Variants in LRP8 observed in about 807,000 individuals in gnomAD.
The protein encoded by LRP8 is low-density lipoprotein receptor-related protein 8.
Under a neutral mutation model 111.6 loss-of-function variants are expected in LRP8, and 46 were observed. The observed-to-expected ratio is 0.41, with a 90% CI of 0.33 to 0.53. LRP8 has a LOEUF of 0.53. Among genes scored for constraint, LRP8 ranks in the 20% least tolerant of loss-of-function variants. The pLI is 0.20. For missense variants in LRP8, 959 were observed against 1,297.4 expected, an observed-to-expected ratio of 0.74 and a Z score of 4.01; for synonymous variants, 464 against 511.2, an observed-to-expected ratio of 0.91 and a Z score of 1.24.
chr1:53,290,294 T>TTCC (rs146311099), intron 2 of LRP8, among the ~76,000 whole-genome samples: 57,339 of 150,918 alleles, frequency 0.38, 14,604 homozygotes, highest in African/African-American at 0.72. Context: ...TCAATCCCAC[T>TTCC]TCCTCCTCCT....
Position 53,257,443 on chromosome 1 carries a change from G to A in LRP8, c.2231C>T (p.Thr744Met), listed in dbSNP as rs149272155. The stretch of plus-strand genomic sequence containing the variant: ...CCTCGTCATGGTAGAAGCTAACGTC[G>A]TAGTTGAGGTAGATTGAGGTGCTGG... ...CYRAPQSTST[T>M]TLASTMTRTV... is the part of the protein sequence containing the mutation. The change falls in exon 15 of 19, where the codon ACG becomes ATG. Residue 744 changes from threonine (T) to methionine (M), a missense_variant. By Grantham distance (81) the Thr-to-Met change is moderately conservative (BLOSUM62 -1). This residue lies in a region of LRP8 where 819 missense variants were observed against 1,097.6 expected (regional missense o/e 0.75). Transcript: ENST00000306052. The A allele has an allele frequency of 3.2e-5, 52 of 1,614,142 alleles. No individual in the cohort carries two copies. The highest frequency in any genetic ancestry group is 8.9e-5 in the East Asian group (4 of 44,886).
chr1:53,264,228 G>GCGT lies in LRP8; in HGVS notation c.1593_1595dup (p.Arg532dup). 1.2e-6 allele frequency: 2 copies of GCGT among 1,614,134 alleles called. No individual in the cohort carries two copies. The highest frequency in any genetic ancestry group is 4.5e-5 in the East Asian group (2 of 44,884). On this transcript the variant is annotated inframe_insertion, in exon 10 of 19. Transcript: ENST00000306052. ...CACTGAGGTTACGGCTGAAGAGAGT[G>GCGT]CGTCGGCGGCCACCATCAACTGTGG...
In LRP8 at chr1:53,264,357, C is replaced by G; in HGVS notation, c.1467G>C (p.Glu489Asp). Residue 489 changes from glutamate (E) to aspartate (D), a missense_variant, in exon 10 of 19, where the codon GAG becomes GAC. Around this residue, in one of 3 missense-constraint regions of LRP8, gnomAD observed 819 missense variants for 1,097.6 expected, o/e 0.75. Coordinates refer to ENST00000306052, the MANE Select transcript of LRP8 (RefSeq NM_004631.5). The stretch of plus-strand genomic sequence containing the variant: ...AGTGCAACTGCTCGTCAATGAGGAC[C>G]TCCTGCTCTTTCGGGTCACTGGCCT... The part of the protein sequence containing the change: ...MDKASDPKEQ[E>D]VLIDEQLHSP... The G allele has an allele frequency of 6.2e-7, 1 of 1,614,090 alleles. No individual in the cohort carries two copies. Among genetic ancestry groups the G allele is most frequent in the Admixed American group, 1.7e-5 (1 of 59,998 alleles).
Position 53,293,714 on chromosome 1 carries a change from C to T in LRP8, c.245-4025G>A, listed in dbSNP as rs987829649. 2.6e-5 allele frequency among the ~76,000 whole-genome samples: 4 copies of T among 152,180 alleles called. No individual in the cohort carries two copies. Among genetic ancestry groups the T allele is most frequent in the South Asian group, 2.1e-4 (1 of 4,830 alleles). Reference sequence around the variant, plus strand: ...CAGCAGAATAAACCCAGGCCTGGGACGGCTTTTGCTCTGCTAATGGACAGC... The same window carrying T: ...CAGCAGAATAAACCCAGGCCTGGGATGGCTTTTGCTCTGCTAATGGACAGC... On this transcript the variant is annotated intron_variant, in intron 2 of 18. Transcript: ENST00000306052. This position sits in a 1 kb window ranked among gnomAD's most constrained non-coding sequence, Gnocchi z 4.9.
chr1:53,277,716 G>A (rs1309530573), intron 4 of LRP8, among the ~76,000 whole-genome samples: 1 of 152,226 alleles, frequency 6.6e-6, no homozygotes, highest in African/African-American at 2.4e-5. Flanking sequence ...CATCTTCCAA[G>A]GGCCCAAATT....
intron 1 of LRP8, 134 bp from the exon 2 acceptor site, chr1:53,327,126 A>C: frequency 4.0e-6 from 5 of 1,247,842 alleles, no homozygotes; most frequent in Non-Finnish European, 5.5e-6. Context: ...GGCTTCAGGC[A>C]CACTCCATCC....
At position 53,250,650 on chromosome 1, in the gene LRP8, T is replaced by C. The variant is rs369849006; in HGVS notation, c.2676+40A>G. 6.4e-7 allele frequency: 1 copy of C among 1,570,524 alleles called. No individual in the cohort carries two copies. The highest frequency in any genetic ancestry group is 1.4e-5 in the African/African-American group (1 of 73,782). Reference sequence around the variant, plus strand: ...GGGGAAGAAAGGATGGAAGGGAAGATGGTCGGAAGGTAGGAATTCTCCCAG... The same window carrying C: ...GGGGAAGAAAGGATGGAAGGGAAGACGGTCGGAAGGTAGGAATTCTCCCAG... On this transcript the variant is annotated intron_variant, in intron 17 of 18. Transcript: ENST00000306052. This position sits in a 1 kb window ranked among gnomAD's most constrained non-coding sequence, Gnocchi z 4.6.
chr1:53,315,940 G>A (rs1653735140), intron 2 of LRP8, among the ~76,000 whole-genome samples: 1 of 152,176 alleles, frequency 6.6e-6, no homozygotes, highest in Non-Finnish European at 1.5e-5. Context: ...AGAGACCAAG[G>A]GCCAGAGGGG....
rs1192102325 is a variant in LRP8 at position 53,303,416 on chromosome 1, G to A, written c.245-13727C>T. 6.6e-6 allele frequency among the ~76,000 whole-genome samples: 1 copy of A among 152,188 alleles called. No individual in the cohort carries two copies. Among genetic ancestry groups the A allele is most frequent in the African/African-American group, 2.4e-5 (1 of 41,450 alleles). ...CCCTTGGATTTCATACATGAGAAAA[G>A]GGGCCACAGCAGCCTCGCGCTCCCA... On this transcript the variant is annotated intron_variant, in intron 2 of 18. Coordinates refer to ENST00000306052, the MANE Select transcript of LRP8 (RefSeq NM_004631.5). This position sits in a 1 kb window ranked among gnomAD's most constrained non-coding sequence, Gnocchi z 4.3.
chr1:53,282,382 G>C (rs1344448217), intron 3 of LRP8, among the ~76,000 whole-genome samples: 1 of 152,242 alleles, frequency 6.6e-6, no homozygotes, highest in Non-Finnish European at 1.5e-5. Flanking sequence ...GCAAATAACT[G>C]TCAGGTTGAG....
At chr1:53,319,031 A>G (rs1467455407) in intron 2 of LRP8, among the ~76,000 whole-genome samples, 1 of 152,234 alleles carries the variant, frequency 6.6e-6, no homozygotes, top group East Asian at 1.9e-4. Context: ...GGAAAACTAA[A>G]TAAGTAAAAT....
intron 2 of LRP8, among the ~76,000 whole-genome samples, chr1:53,320,012 C>T (rs1226846102): frequency 6.6e-6 from 1 of 152,404 alleles, no homozygotes; most frequent in East Asian, 1.9e-4. Flanking sequence ...CCAGCGGGGC[C>T]ACCCGGGGCA....
chr1:53,271,407 G>A (rs1646757618), intron 6 of LRP8, 61 bp from the exon 7 acceptor site: 3 of 1,604,160 alleles, frequency 1.9e-6, no homozygotes, highest in Non-Finnish European at 2.6e-6. Flanking sequence ...GGCAGGGCAG[G>A]GGTAGGACCT....
intron 6 of LRP8, chr1:53,274,790 T>G (rs1252890717): frequency 2.2e-6 from 1 of 456,278 alleles, no homozygotes; most frequent in African/African-American, 2.0e-5. Context: ...ACTCTTACAC[T>G]GAAATCTGCG....
At chr1:53,288,525 C>G (rs545612292) in intron 3 of LRP8, 1 of 152,116 alleles carries the variant, frequency 6.6e-6, no homozygotes, top group Non-Finnish European at 1.5e-5. Flanking sequence ...GGGGGCCGCT[C>G]TTGCTCTGTT....
intron 5 of LRP8, 108 bp downstream of exon 5, chr1:53,276,584 T>G: frequency 2.4e-6 from 2 of 841,372 alleles, no homozygotes; most frequent in Non-Finnish European, 1.6e-6. Flanking sequence ...TAAACCCGGG[T>G]AATGTATTCA....
intron 2 of LRP8, among the ~76,000 whole-genome samples, chr1:53,319,088 T>C (rs1160623892): frequency 2.0e-5 from 3 of 152,048 alleles, no homozygotes; most frequent in Non-Finnish European, 4.4e-5. Flanking sequence ...ACTGGGTGAG[T>C]CTCTTATCCT....
intron 2 of LRP8, among the ~76,000 whole-genome samples, chr1:53,291,409 G>A (rs886278143): frequency 7.9e-5 from 12 of 152,070 alleles, no homozygotes; most frequent in African/African-American, 2.7e-4. Context: ...AGCCTGCCCC[G>A]CTCCCTCATC....
intron 5 of LRP8, 110 bp downstream of exon 5, chr1:53,276,582 G>A (rs1646925296): frequency 2.4e-6 from 2 of 840,472 alleles, no homozygotes; most frequent in South Asian, 2.1e-5. Flanking sequence ...AGTAAACCCG[G>A]GTAATGTATT....
Sources: allele counts gnomAD v4.1 joint callset (sites outside exome capture counted in the v4.1 genomes callset), GRCh38; gene constraint gnomAD v4.1.1; regional missense constraint gnomAD v4.1.1; non-coding constraint Gnocchi (gnomAD v3.1); transcripts MANE v1.5; gene names NCBI Gene and HGNC (gene_info 2026-07-23, HGNC 2026-07-21).